Variants in RETREG1 observed in about 807,000 individuals in gnomAD.
RETREG1 encodes the protein reticulophagy regulator 1, also known as family with sequence similarity 134 member B.
A neutral mutation model predicts 54.8 loss-of-function variants in RETREG1; 44 were observed. The observed-to-expected ratio is 0.80, with a 90% CI of 0.63 to 1.03. The LOEUF is 1.03. RETREG1 is among the 50% of genes least tolerant of loss of function. The pLI is 0.00. For synonymous variants in RETREG1, 217 were observed against 238.5 expected (o/e 0.91, Z 0.83); for missense variants, 554 against 605.1 (o/e 0.92, Z 0.89).
At chr5:16,607,928 G>T (rs1195830587) in intron 1 of RETREG1, among the ~76,000 whole-genome samples, 5 of 151,348 alleles carry the variant, frequency 3.3e-5, no homozygotes, top group Non-Finnish European at 5.9e-5. Flanking sequence ...CGTCCAGGCT[G>T]GAGTGGGGTG....
chr5:16,563,389 C>T lies in RETREG1; in HGVS notation c.458+2374G>A, dbSNP rs536523349. ...TCTCCCACCTCAGCCTCCCAAGTAG[C>T]TCAATTTACATGCATGCGCCACCAT... On this transcript the variant is annotated intron_variant, in intron 3 of 8. Transcript: ENST00000306320. Among the ~76,000 whole-genome samples the T allele has an allele frequency of 3.3e-4, 50 of 152,304 alleles. No individual in the cohort carries two copies. In the East Asian group the frequency reaches 9.5e-3, roughly 29 times the overall value.
intron 3 of RETREG1, among the ~76,000 whole-genome samples, chr5:16,527,803 T>TTTTTTC (rs1740764097): frequency 1.2e-5 from 1 of 86,660 alleles, no homozygotes; most frequent in South Asian, 4.2e-4. Flanking sequence ...GACTCTAATT[T>TTTTTTC]TTTTTTTTTT....
chr5:16,490,561 C>T (rs150819790), intron 3 of RETREG1, among the ~76,000 whole-genome samples: 10 of 152,284 alleles, frequency 6.6e-5, no homozygotes, highest in African/African-American at 2.4e-4. Flanking sequence ...ATCTTATAAA[C>T]TTACTATCTT....
At chr5:16,523,543 A>G (rs567650914) in intron 3 of RETREG1, among the ~76,000 whole-genome samples, 1 of 152,168 alleles carries the variant, frequency 6.6e-6, no homozygotes, top group South Asian at 2.1e-4. Flanking sequence ...TCCAAATGGC[A>G]TATCACTGGT....
Position 16,564,069 on chromosome 5 carries a change from C to T in RETREG1, c.458+1694G>A, listed in dbSNP as rs1443953416. Among the ~76,000 whole-genome samples the T allele has an allele frequency of 2.6e-5, 4 of 152,158 alleles. No individual in the cohort carries two copies. The East Asian group carries it at 7.7e-4, about 29-fold the overall frequency. On this transcript the variant is annotated intron_variant, in intron 3 of 8. Transcript: ENST00000306320. Reference sequence around the variant, plus strand: ...GTATTTCTTGTCTGCTCTATTTATACAACTGTATTTATACAACTGCTGGGT... The same window carrying T: ...GTATTTCTTGTCTGCTCTATTTATATAACTGTATTTATACAACTGCTGGGT...
In RETREG1 at chr5:16,524,914, G is replaced by GTGGGGGA. The variant is rs1561104229; in HGVS notation, c.458+40848_458+40849insTCCCCCA. 1.6e-4 allele frequency among the ~76,000 whole-genome samples: 19 copies of GTGGGGGA among 119,724 alleles called. No individual in the cohort carries two copies. The South Asian group carries it at 1.7e-3, about 11-fold the overall frequency. 78.5% of individuals were successfully genotyped at this position (119,724 alleles called of 152,430 possible). A position where few individuals can be genotyped will look rare whatever the true frequency, so the allele number is the denominator to read the frequency against. On this transcript the variant is annotated intron_variant, in intron 3 of 8. Coordinates refer to ENST00000306320, the MANE Select transcript of RETREG1 (RefSeq NM_001034850.3). ...CTCCGGCTCCTGCAGGTGGATGTGC[G>GTGGGGGA]CGGGGGACACTGTGCTGACCTGCGT...
chr5:16,602,548 A>C (rs1743079754), intron 1 of RETREG1, among the ~76,000 whole-genome samples: 1 of 151,974 alleles, frequency 6.6e-6, no homozygotes, highest in Non-Finnish European at 1.5e-5. Context: ...TAAACATGAC[A>C]CTCTACTTAG....
At chr5:16,521,364 C>A (rs1740527114) in intron 3 of RETREG1, among the ~76,000 whole-genome samples, 1 of 152,162 alleles carries the variant, frequency 6.6e-6, no homozygotes, top group Admixed American at 6.5e-5. Context: ...TCAAGCTGCC[C>A]TCCACAGAAC....
intron 3 of RETREG1, among the ~76,000 whole-genome samples, chr5:16,493,646 C>T (rs1443638680): frequency 2.0e-5 from 3 of 152,140 alleles, no homozygotes; most frequent in East Asian, 1.9e-4. Context: ...TGAATTTCAA[C>T]CCAGGGTTTA....
intron 1 of RETREG1, among the ~76,000 whole-genome samples, chr5:16,607,622 A>C (rs1743232503): frequency 6.6e-6 from 1 of 152,126 alleles, no homozygotes; most frequent in East Asian, 1.9e-4. Flanking sequence ...TCAATTTAAA[A>C]AAACAAAAAA....
intron 3 of RETREG1, among the ~76,000 whole-genome samples, chr5:16,510,371 C>T (rs998923441): frequency 6.6e-5 from 10 of 152,046 alleles, no homozygotes; most frequent in Admixed American, 3.3e-4. Context: ...CTCTGAAGGT[C>T]GGGGTGTGCG....
intron 3 of RETREG1, among the ~76,000 whole-genome samples, chr5:16,525,249 C>T (rs1288044399): frequency 1.8e-4 from 25 of 139,488 alleles, no homozygotes; most frequent in East Asian, 9.4e-4. Context: ...TGCTGACCTG[C>T]ATCCTCTGGC....
At chr5:16,515,473 G>C (rs929245898) in intron 3 of RETREG1, among the ~76,000 whole-genome samples, 2 of 151,762 alleles carry the variant, frequency 1.3e-5, no homozygotes, top group Non-Finnish European at 2.9e-5. Flanking sequence ...ATCCTTATAC[G>C]TTTCACATTA....
At position 16,533,234 on chromosome 5, in the gene RETREG1, A is replaced by T. The variant is rs924172378; in HGVS notation, c.458+32529T>A. The stretch of plus-strand genomic sequence containing the variant: ...TAATTTTTTGTATTTTAGTAGAGAC[A>T]GGGTTTCACTGTGTTAGCCAGGATG... On this transcript the variant is annotated intron_variant, in intron 3 of 8. Coordinates refer to ENST00000306320, the MANE Select transcript of RETREG1 (RefSeq NM_001034850.3). 2.6e-5 allele frequency among the ~76,000 whole-genome samples: 4 copies of T among 152,198 alleles called. No individual in the cohort carries two copies. The East Asian group carries it at 7.7e-4, about 29-fold the overall frequency.
chr5:16,473,689 G>C lies in RETREG1; in HGVS notation c.*1052C>G, dbSNP rs1041959132. ...AAAAGTGACCTTAAAAAGTTTAAAGGAAAATATATATATTCTATCTTCCCA... is the reference window on the plus strand; with the variant it reads ...AAAAGTGACCTTAAAAAGTTTAAAGCAAAATATATATATTCTATCTTCCCA... On this transcript the variant is annotated 3_prime_UTR_variant, in exon 9 of 9. Coordinates refer to ENST00000306320, the MANE Select transcript of RETREG1 (RefSeq NM_001034850.3). 2.6e-5 allele frequency: 4 copies of C among 152,406 alleles called. No homozygotes were observed. The highest frequency in any genetic ancestry group is 9.6e-5 in the African/African-American group (4 of 41,518). The allele number at this position is 152,406 out of a possible 1,614,324, so 9.4% of individuals were successfully genotyped here. A position where few individuals can be genotyped will look rare whatever the true frequency, so the allele number is the denominator to read the frequency against.
At chr5:16,482,853 A>G (rs1738853487) in intron 4 of RETREG1, 1 of 161,790 alleles carries the variant, frequency 6.2e-6, no homozygotes, top group Admixed American at 6.0e-5. Context: ...AAAAATACTC[A>G]TTTTGTTTAT....
intron 1 of RETREG1, among the ~76,000 whole-genome samples, chr5:16,611,750 TAC>T (rs755690422): frequency 6.6e-6 from 1 of 152,168 alleles, no homozygotes; most frequent in Non-Finnish European, 1.5e-5. Flanking sequence ...AAATAACTGA[TAC>T]ACACAGCAGA....
intron 4 of RETREG1, among the ~76,000 whole-genome samples, chr5:16,482,477 A>T (rs1231185876): frequency 3.5e-5 from 5 of 143,134 alleles, no homozygotes; most frequent in South Asian, 2.1e-4. Context: ...TTCAATGAAT[A>T]AAAAAAATGC....
chr5:16,477,973 T>C lies in RETREG1; in HGVS notation c.873+61A>G. The C allele has an allele frequency of 3.6e-6, 5 of 1,370,890 alleles. No individual in the cohort carries two copies. In the South Asian group the frequency reaches 4.9e-5, roughly 13 times the overall value. 84.9% of individuals were successfully genotyped at this position (1,370,890 alleles called of 1,614,324 possible). Reference sequence around the variant, plus strand: ...ATTAGGAAGATCATTCAGCTTTGTATGCATACATGCATTTACAGTCAAACC... The same window carrying C: ...ATTAGGAAGATCATTCAGCTTTGTACGCATACATGCATTTACAGTCAAACC... On this transcript the variant is annotated intron_variant, in intron 7 of 8. Transcript: ENST00000306320.
Sources: allele counts gnomAD v4.1 joint callset (sites outside exome capture counted in the v4.1 genomes callset), GRCh38; gene constraint gnomAD v4.1.1; transcripts MANE v1.5; gene names NCBI Gene and HGNC (gene_info 2026-07-23, HGNC 2026-07-21).